FAM151A: variants seen among roughly 807,000 people sequenced by gnomAD.
The protein encoded by FAM151A is protein FAM151A.
Under a neutral mutation model 40.4 loss-of-function variants are expected in FAM151A, and 41 were observed. That is an observed-to-expected ratio of 1.01 (90% CI 0.79 to 1.32). The LOEUF (loss-of-function observed/expected upper bound fraction) is 1.32. Ranked by LOEUF, FAM151A falls within the 40% of genes most tolerant of loss-of-function variation. FAM151A has a pLI of 0.00. For missense variants in FAM151A, 740 were observed against 740.4 expected (o/e 1.00, Z 0.01); for synonymous variants, 337 against 312.5 (o/e 1.08, Z -0.83).
chr1:54,622,847 G>C (rs1569806775), intron 1 of FAM151A, among the ~76,000 whole-genome samples: 1 of 494 alleles, frequency 2.0e-3, no homozygotes, highest in East Asian at 0.071. Context: ...AGCTGTGGAT[G>C]GGGGAATGAG....
intron 1 of FAM151A, 100 bp downstream of exon 1, chr1:54,623,176 TAA>T (rs113750458): frequency 3.5e-3 from 2,275 of 643,188 alleles, no homozygotes; most frequent in South Asian, 5.0e-3. Context: ...AAACTCCGTC[TAA>T]AAAAAAAAAA....
At chr1:54,614,956 A>ATGTGTGTGTG (rs1359535949) in intron 3 of FAM151A, 97 bp from the exon 4 acceptor site, 1 of 1,130,046 alleles carries the variant, frequency 8.8e-7, no homozygotes, top group Non-Finnish European at 1.3e-6. Flanking sequence ...GTGTGTGTGC[A>ATGTGTGTGTG]TGTGCGTGCA....
intron 1 of FAM151A, among the ~76,000 whole-genome samples, chr1:54,620,534 T>G (rs1463574347): frequency 6.7e-6 from 1 of 149,714 alleles, no homozygotes; most frequent in South Asian, 2.1e-4. Context: ...GGTGAAACCA[T>G]GTCTCTACTA....
At chr1:54,610,767 C>A in intron 6 of FAM151A, 9 of 984,260 alleles carry the variant, frequency 9.1e-6, no homozygotes, top group Non-Finnish European at 1.1e-5. Flanking sequence ...AGGAGTGGAA[C>A]CTGATGGGAC....
intron 4 of FAM151A, among the ~76,000 whole-genome samples, chr1:54,614,437 AG>A (rs1644149918): frequency 6.6e-6 from 1 of 152,118 alleles, no homozygotes; most frequent in African/African-American, 2.4e-5. Flanking sequence ...AAGGAAGTGT[AG>A]GGGTTGAGGG....
At position 54,623,478 on chromosome 1, in the gene FAM151A, C is replaced by T; in HGVS notation, c.-83G>A. 1.0e-6 allele frequency: 1 copy of T among 981,312 alleles called. No homozygotes were observed. The highest frequency in any genetic ancestry group is 1.6e-6 in the Non-Finnish European group (1 of 622,216). The allele number at this position is 981,312 out of a possible 1,614,324, so 60.8% of individuals were successfully genotyped here. On this transcript the variant is annotated 5_prime_UTR_variant, in exon 1 of 8. Transcript: ENST00000302250. ...CCTGCAGCTGGAATCCTGTGGGAGG[C>T]AGGAGCTCCCAGCAGCACCTAATTC...
intron 4 of FAM151A, 33 bp downstream of exon 4, chr1:54,614,667 G>T (rs1029234971): frequency 5.0e-6 from 8 of 1,589,450 alleles, no homozygotes; most frequent in Middle Eastern, 1.9e-4. Flanking sequence ...GAAGAGGGCT[G>T]GACACAGCTG....
Position 54,609,441 on chromosome 1 carries a change from G to A in FAM151A, c.1585C>T (p.Leu529=), listed in dbSNP as rs3179918. 1.2e-6 allele frequency: 2 copies of A among 1,613,670 alleles called. No homozygotes were observed. The highest frequency in any genetic ancestry group is 1.3e-5 in the African/African-American group (1 of 75,010). ...HSTAGAIGRL[L]ASSPRATVTV... ...ACGGTGGCCCGGGGGGAGGATGCCA[G>A]CAGCCTGCCTATGGCTCCAGCTGTG... The change falls in exon 8 of 8, where the codon CTG becomes TTG. Residue 529 remains leucine, a synonymous_variant. Transcript: ENST00000302250.
rs1330336821 is a variant in FAM151A, at chr1:54,611,606, A to C, written c.940T>G (p.Leu314Val). 2 of 1,613,538 alleles carry C rather than the reference A, an allele frequency of 1.2e-6. No homozygotes were observed. Among genetic ancestry groups the C allele is most frequent in the Non-Finnish European group, 1.7e-6 (2 of 1,179,832 alleles). ...PLLSQFKQLA[L>V]NATRKPMYYT... ...CACCCTTCCCAATTCCTCTCCTTAC[A>C]GGCCAGCTGCTTGAACTGTGACAGG... Residue 314 changes from leucine (L) to valine (V), a missense_variant and splice_region_variant, in exon 6 of 8, where the codon TTG becomes GTG. Coordinates refer to ENST00000302250, the MANE Select transcript of FAM151A (RefSeq NM_176782.3).
rs1321310860 is a variant in FAM151A, at chr1:54,612,658, A to G, written c.628T>C (p.Trp210Arg). 6.2e-7 allele frequency: 1 copy of G among 1,614,018 alleles called. No individual in the cohort carries two copies. The highest frequency in any genetic ancestry group is 8.5e-7 in the Non-Finnish European group (1 of 1,180,034). ...GACGTGGACATGTAGAAGGTGGTCC[A>G]GCCTGGAGATAGGGTAGCCTTGGGA... Reference protein sequence around the residue: ...KYPKATLSPGWTTFYMSTSPN... With the variant: ...KYPKATLSPGRTTFYMSTSPN... The change falls in exon 5 of 8, where the codon TGG (tryptophan) becomes CGG (arginine). Residue 210 changes from tryptophan to arginine, a missense_variant. Physicochemically the swap from Trp to Arg is moderately radical, Grantham distance 101 (BLOSUM62 -3). Transcript: ENST00000302250.
intron 2 of FAM151A, among the ~76,000 whole-genome samples, chr1:54,617,920 T>C (rs1644190838): frequency 6.6e-6 from 1 of 150,796 alleles, no homozygotes; most frequent in South Asian, 2.1e-4. Flanking sequence ...GGAGATGCGG[T>C]TTCACCATAT....
At position 54,623,431 on chromosome 1, in the gene FAM151A, C is replaced by A. The variant is rs576301479; in HGVS notation, c.-36G>T. On this transcript the variant is annotated 5_prime_UTR_variant, in exon 1 of 8. Coordinates refer to ENST00000302250, the MANE Select transcript of FAM151A (RefSeq NM_176782.3). Reference sequence around the variant, plus strand: ...TCTGGGGAATGCCCCCAACTCCGTGCGGCCCAGAGTCCCTGAGGCTCCCTG... The same window carrying A: ...TCTGGGGAATGCCCCCAACTCCGTGAGGCCCAGAGTCCCTGAGGCTCCCTG... 178 of 1,522,752 alleles carry A rather than the reference C, an allele frequency of 1.2e-4. 3 individuals are homozygous for A. In the South Asian group the frequency reaches 1.9e-3, roughly 16 times the overall value. 94.3% of individuals were successfully genotyped at this position (1,522,752 alleles called of 1,614,324 possible).
chr1:54,619,833 G>A lies in FAM151A; in HGVS notation c.262+31C>T, dbSNP rs144034953. The A allele has an allele frequency of 6.2e-4, 997 of 1,610,554 alleles. 4 individuals carry two copies. The African/African-American group carries it at 0.01, about 17-fold the overall frequency. ...CTCTGTCTTCTCTATCCCTTGCCCTGGCCTGCCTCAGTCTTGGCAGCTGGA... is the reference window on the plus strand; with the variant it reads ...CTCTGTCTTCTCTATCCCTTGCCCTAGCCTGCCTCAGTCTTGGCAGCTGGA... On this transcript the variant is annotated intron_variant, in intron 2 of 7. Transcript: ENST00000302250.
chr1:54,616,615 C>T (rs1322258516), intron 2 of FAM151A, among the ~76,000 whole-genome samples: 3 of 152,224 alleles, frequency 2.0e-5, no homozygotes, highest in Non-Finnish European at 4.4e-5. Context: ...TCAAGTGATC[C>T]GCCCACCTCA....
chr1:54,617,022 GCC>G (rs1201057806), intron 2 of FAM151A, among the ~76,000 whole-genome samples: 1 of 152,168 alleles, frequency 6.6e-6, no homozygotes. Flanking sequence ...CATTTTTAAA[GCC>G]CATGTTATCA....
intron 2 of FAM151A, among the ~76,000 whole-genome samples, chr1:54,619,260 G>A (rs551960841): frequency 7.2e-5 from 11 of 152,278 alleles, no homozygotes; most frequent in African/African-American, 2.4e-4. Flanking sequence ...ATTATCTACT[G>A]AGCTTCCCAA....
Position 54,609,836 on chromosome 1 carries a change from G to T in FAM151A, c.1190C>A (p.Ser397Tyr). 1.2e-6 allele frequency: 2 copies of T among 1,614,198 alleles called. No homozygotes were observed. Among genetic ancestry groups the T allele is most frequent in the South Asian group, 1.1e-5 (1 of 91,090 alleles). The change falls in exon 8 of 8, where the codon TCC (serine) becomes TAC (tyrosine). Residue 397 changes from serine (S) to tyrosine (Y), a missense_variant. By Grantham distance (144) the Ser-to-Tyr change is moderately radical. Coordinates refer to ENST00000302250, the MANE Select transcript of FAM151A (RefSeq NM_176782.3). ...TPSGNILTLE[S>Y]CLQQLATHPG... ...ATGTGTGGCCAGCTGCTGCAGGCAG[G>T]ACTCCAGCGTCAGGATGTTGCCACT...
chr1:54,616,564 G>C (rs894387352), intron 2 of FAM151A, among the ~76,000 whole-genome samples: 1 of 151,984 alleles, frequency 6.6e-6, no homozygotes, highest in Non-Finnish European at 1.5e-5. Flanking sequence ...TGGAGACGGG[G>C]TTTCACCATA....
Position 54,614,840 on chromosome 1 carries a change from C to T in FAM151A, c.435G>A (p.Lys145=), listed in dbSNP as rs780188651. The T allele has an allele frequency of 9.3e-6, 15 of 1,613,762 alleles. No individual in the cohort carries two copies. The highest frequency in any genetic ancestry group is 8.8e-5 in the South Asian group (8 of 91,014). ...SSQKGIKLDF[K]NIKAVGPSLD... ...GGGAGGGGCCCACTGCCTTGATGTT[C>T]TTGAAGTCCAGTTTGATGCCTGTGG... The change falls in exon 4 of 8, where the codon AAG becomes AAA. Residue 145 remains lysine (K), a synonymous_variant. Coordinates refer to ENST00000302250, the MANE Select transcript of FAM151A (RefSeq NM_176782.3).
Sources: gnomAD v4.1 joint callset for allele counts (sites outside exome capture counted in the v4.1 genomes callset) on GRCh38, gnomAD v4.1.1 for gene constraint, MANE v1.5 for transcripts, NCBI Gene and HGNC (gene_info 2026-07-23, HGNC 2026-07-21) for gene names.